Variants in PLXNA1 observed in about 807,000 individuals in gnomAD.
PLXNA1 encodes the protein plexin-A1.
PLXNA1 carries 77 observed loss-of-function variants against 191.7 expected under a neutral mutation model. The ratio of observed to expected loss-of-function variants is 0.40; its 90% CI spans 0.33 to 0.49. The LOEUF is 0.49. PLXNA1 is among the 20% of genes least tolerant of loss of function. The pLI is 0.63. For missense variants in PLXNA1, 2,110 were observed against 2,660.2 expected (o/e 0.79, Z 4.55); for synonymous variants, 1,137 against 1,156.4 (o/e 0.98, Z 0.34).
chr3:127,022,472 C>A, intron 22 of PLXNA1, 131 bp downstream of exon 22: 1 of 1,184,042 alleles, frequency 8.4e-7, no homozygotes, highest in Non-Finnish European at 1.2e-6. Context: ...CTCACCTGGC[C>A]TCTGAGGCTC....
rs761868897 is a variant in PLXNA1 at position 127,017,663 on chromosome 3, A to C, written c.3515A>C (p.Lys1172Thr). The C allele has an allele frequency of 6.2e-7, 1 of 1,613,186 alleles. No individual in the cohort carries two copies. Among genetic ancestry groups the C allele is most frequent in the African/African-American group, 1.3e-5 (1 of 74,918 alleles). Residue 1172 changes from lysine to threonine, a missense_variant and splice_region_variant, in exon 18 of 32, where the codon AAG becomes ACG. This residue lies in a region of PLXNA1 where 644 missense variants were observed against 714.3 expected (regional missense o/e 0.90). Coordinates refer to ENST00000393409, the MANE Select transcript of PLXNA1 (RefSeq NM_032242.4). ...ELKPSSPLIL[K>T]GRNLLPPAPG... is the part of the protein sequence containing the mutation. ...AAGCCCAGCTCCCCACTCATCCTCA[A>C]GGTGGGTCACCATTGCCCGTAGGCT...
In PLXNA1 at chr3:127,018,327, A is replaced by T; in HGVS notation, c.3694A>T (p.Thr1232Ser). The T allele has an allele frequency of 3.1e-6, 5 of 1,611,758 alleles. No individual in the cohort carries two copies. The highest frequency in any genetic ancestry group is 3.4e-6 in the Non-Finnish European group (4 of 1,179,436). ...RAGGFEFSPG[T>S]LQVYSDSLLT... is the part of the protein sequence containing the mutation. ...AGGTGGCTTCGAGTTCTCGCCAGGG[A>T]CACTGCAGGTGTACTCGGACAGCCT... The change falls in exon 20 of 32, where the codon ACA becomes TCA. Residue 1232 changes from threonine to serine, a missense_variant. Transcript: ENST00000393409.
At chr3:127,025,710 G>T (rs576530013) in intron 23 of PLXNA1, among the ~76,000 whole-genome samples, 2 of 152,294 alleles carry the variant, frequency 1.3e-5, no homozygotes, top group East Asian at 1.9e-4. Context: ...TTGTCCTTTC[G>T]TGGCTGGCTT....
rs1471410345 is a variant in PLXNA1, at chr3:127,035,692, T to C, written c.*1675T>C. ...TTTTTTGATGGTACCGAAGATCCCA[T>C]GGACATTAAGGGACAGCTAACTGTG... On this transcript the variant is annotated 3_prime_UTR_variant, in exon 32 of 32. Coordinates refer to ENST00000393409, the MANE Select transcript of PLXNA1 (RefSeq NM_032242.4). 1 of 152,552 alleles carries C rather than the reference T, an allele frequency of 6.6e-6. No homozygotes were observed. Among genetic ancestry groups the C allele is most frequent in the Non-Finnish European group, 1.5e-5 (1 of 68,022 alleles). 9.4% of individuals were successfully genotyped at this position (152,552 alleles called of 1,614,324 possible). A position where few individuals can be genotyped will look rare whatever the true frequency, so the allele number is the denominator to read the frequency against.
chr3:127,009,641 A>G (rs950045941), intron 9 of PLXNA1, among the ~76,000 whole-genome samples: 1 of 143,744 alleles, frequency 7.0e-6, no homozygotes, highest in Non-Finnish European at 1.5e-5. Flanking sequence ...TACTACATTC[A>G]GCTTCCTGCT....
At chr3:126,993,341 C>T (rs2107622057) in intron 3 of PLXNA1, among the ~76,000 whole-genome samples, 1 of 152,330 alleles carries the variant, frequency 6.6e-6, no homozygotes, top group South Asian at 2.1e-4. Flanking sequence ...CCCTTCCCAC[C>T]CCTAGTCCCA....
At chr3:127,008,677 G>T (rs1474901771) in intron 9 of PLXNA1, among the ~76,000 whole-genome samples, 2 of 152,154 alleles carry the variant, frequency 1.3e-5, no homozygotes, top group African/African-American at 4.8e-5. Flanking sequence ...TTGGCTGGAG[G>T]GGGCAGGTTC....
At chr3:127,005,348 T>C (rs976733753) in intron 7 of PLXNA1, 105 bp downstream of exon 7, 25 of 1,373,224 alleles carry the variant, frequency 1.8e-5, no homozygotes, top group Non-Finnish European at 2.3e-5. Flanking sequence ...AAGGGCATGT[T>C]GGTGACACTC....
intron 30 of PLXNA1, 34 bp downstream of exon 30, chr3:127,032,633 C>T: frequency 1.2e-6 from 2 of 1,609,450 alleles, no homozygotes; most frequent in Non-Finnish European, 1.7e-6. Flanking sequence ...GGGGCAGGGG[C>T]CCGGGGGCAG....
At chr3:126,983,311 C>A (rs1241764096) in intron 1 of PLXNA1, among the ~76,000 whole-genome samples, 24 bp downstream of exon 1, 2 of 144,000 alleles carry the variant, frequency 1.4e-5, no homozygotes, top group Non-Finnish European at 1.5e-5. Context: ...CAACTTTCCC[C>A]GCGGCGCGGG....
intron 3 of PLXNA1, among the ~76,000 whole-genome samples, chr3:126,995,614 G>A (rs991235718): frequency 1.3e-5 from 2 of 152,262 alleles, no homozygotes; most frequent in African/African-American, 4.8e-5. Flanking sequence ...TGAGCACCCG[G>A]TTTTTCAAGA....
At chr3:127,028,921 C>G (rs1009675043) in intron 25 of PLXNA1, 72 bp from the exon 26 acceptor site, 3 of 1,206,188 alleles carry the variant, frequency 2.5e-6, no homozygotes, top group East Asian at 4.7e-5. Flanking sequence ...GGCCCCGTCC[C>G]ACTACACTGC....
At chr3:127,003,504 A>C (rs775189220) in intron 4 of PLXNA1, 34 bp downstream of exon 4, 3 of 1,559,096 alleles carry the variant, frequency 1.9e-6, no homozygotes, top group Non-Finnish European at 2.6e-6. Flanking sequence ...GTGTGGCTGA[A>C]GGTGGGGGCC....
At chr3:126,995,894 C>T (rs527932104) in intron 3 of PLXNA1, among the ~76,000 whole-genome samples, 147 of 152,284 alleles carry the variant, frequency 9.7e-4, no homozygotes, top group African/African-American at 3.5e-3. Flanking sequence ...GAAGTTCCTT[C>T]TGGAGCTGAC....
In PLXNA1 at chr3:126,991,476, CA is replaced by C. The variant is rs766351310; in HGVS notation, c.1289del (p.Lys430ArgfsTer5). The C allele has an allele frequency of 6.2e-7, 1 of 1,612,766 alleles. No individual in the cohort carries two copies. The highest frequency in any genetic ancestry group is 8.5e-7 in the Non-Finnish European group (1 of 1,179,850). On this transcript the variant is annotated frameshift_variant, in exon 3 of 32. Coordinates refer to ENST00000393409, the MANE Select transcript of PLXNA1 (RefSeq NM_032242.4). LOFTEE classifies it high-confidence loss of function. ...TIEGTPLFVD[K>X]DDGLTAVAAY... ...TTGAGGGGACGCCCCTGTTCGTGGA[CA>C]AGGATGATGGCCTGACCGCCGTGGC...
intron 1 of PLXNA1, among the ~76,000 whole-genome samples, chr3:126,987,579 G>A (rs1388287782): frequency 6.6e-6 from 1 of 152,220 alleles, no homozygotes; most frequent in Non-Finnish European, 1.5e-5. Context: ...AGGTCTGGGT[G>A]GGTATGGGGT....
rs368875040 is a variant in PLXNA1, at chr3:127,003,326, G to T, written c.1378-4G>T. On this transcript the variant is annotated splice_region_variant and splice_polypyrimidine_tract_variant and intron_variant, in intron 3 of 31. Coordinates refer to ENST00000393409, the MANE Select transcript of PLXNA1 (RefSeq NM_032242.4). ...GCTCCAGTTAGGGCCCCTTGCTGCC[G>T]CAGATCCTGGTGGACCTCTCAAACC... 1.3e-6 allele frequency: 2 copies of T among 1,587,578 alleles called. No homozygotes were observed. The highest frequency in any genetic ancestry group is 1.7e-6 in the Non-Finnish European group (2 of 1,162,100).
rs1309346806 is a variant in PLXNA1, at chr3:127,015,299, G to C, written c.2993G>C (p.Gly998Ala). The C allele has an allele frequency of 6.2e-7, 1 of 1,607,580 alleles. No homozygotes were observed. Among genetic ancestry groups the C allele is most frequent in the East Asian group, 2.2e-5 (1 of 44,662 alleles). Reference protein sequence around the residue: ...AGSDVAVSVGGRPCSFSWRNS... With the variant: ...AGSDVAVSVGARPCSFSWRNS... ...AGTGATGTGGCTGTGTCGGTCGGTG[G>C]CCGGCCCTGCTCCTTCTCCTGGTAC... Residue 998 changes from glycine (G) to alanine (A), a missense_variant, in exon 15 of 32, where the codon GGC (glycine) becomes GCC (alanine). Coordinates refer to ENST00000393409, the MANE Select transcript of PLXNA1 (RefSeq NM_032242.4).
chr3:127,023,937 T>C (rs1314648648), intron 23 of PLXNA1, among the ~76,000 whole-genome samples: 1 of 151,946 alleles, frequency 6.6e-6, no homozygotes, highest in Non-Finnish European at 1.5e-5. Context: ...CTGTCCTGGG[T>C]CGTCTCTGGA....
Sources: allele counts gnomAD v4.1 joint callset (sites outside exome capture counted in the v4.1 genomes callset), GRCh38; gene constraint gnomAD v4.1.1; regional missense constraint gnomAD v4.1.1; transcripts MANE v1.5; gene names NCBI Gene and HGNC (gene_info 2026-07-23, HGNC 2026-07-21).